Variants in SOS1 observed in about 807,000 individuals in gnomAD.
SOS1 encodes son of sevenless homolog 1.
Under a neutral mutation model 157.6 loss-of-function variants are expected in SOS1, and 25 were observed. The ratio of observed to expected loss-of-function variants is 0.16; its 90% CI spans 0.12 to 0.22. The LOEUF (loss-of-function observed/expected upper bound fraction) is 0.22, where lower values mean the gene tolerates loss of function less well. Among genes scored for constraint, SOS1 ranks in the 10% least tolerant of loss-of-function variants. The probability of loss-of-function intolerance (pLI) is 1.00; values close to 1 mark genes in which losing one functional copy is unlikely to be tolerated. For missense variants in SOS1, 1,237 were observed against 1,599.1 expected, an observed-to-expected ratio of 0.77 and a Z score of 3.86; for synonymous variants, 528 against 534.0, an observed-to-expected ratio of 0.99 and a Z score of 0.16.
intron 1 of SOS1, among the ~76,000 whole-genome samples, chr2:39,077,886 C>T (rs946562293): frequency 5.9e-5 from 9 of 151,996 alleles, no homozygotes; most frequent in Non-Finnish European, 1.2e-4. Flanking sequence ...TCTTTATAAC[C>T]TGAGTTAGGA....
At chr2:39,056,412 G>A (rs552322444) in intron 4 of SOS1, among the ~76,000 whole-genome samples, 4 of 151,794 alleles carry the variant, frequency 2.6e-5, no homozygotes, top group South Asian at 2.1e-4. Context: ...GTGAGATTCC[G>A]TCTCAAAAAA....
At chr2:39,015,589 C>CT (rs1669602570) in intron 10 of SOS1, among the ~76,000 whole-genome samples, 1 of 151,844 alleles carries the variant, frequency 6.6e-6, no homozygotes, top group Admixed American at 6.6e-5. Flanking sequence ...AAACAAGAGG[C>CT]TGAGTGTGAT....
rs186019046 is a variant in SOS1, at chr2:39,004,231, C to T, written c.2791+2181G>A. Among the ~76,000 whole-genome samples, 944 of 151,888 alleles carry T rather than the reference C, an allele frequency of 6.2e-3. 7 individuals carry two copies. Among genetic ancestry groups the T allele is most frequent in the Non-Finnish European group, 0.01 (713 of 67,916 alleles). ...GAGATCAAGACCATCTTGGCTAACA[C>T]GGTGAAACCCTGTCTCTACTAAAAA... On this transcript the variant is annotated intron_variant, in intron 17 of 22. Coordinates refer to ENST00000402219, the MANE Select transcript of SOS1 (RefSeq NM_005633.4).
At chr2:39,006,949 A>G (rs996023008) in intron 16 of SOS1, 82 bp downstream of exon 16, 11 of 925,136 alleles carry the variant, frequency 1.2e-5, no homozygotes, top group African/African-American at 1.7e-5. Context: ...GACATTTAAA[A>G]ATTAAAGATA....
intron 1 of SOS1, among the ~76,000 whole-genome samples, chr2:39,106,750 G>A (rs372106513): frequency 2.0e-4 from 31 of 152,202 alleles, no homozygotes; most frequent in East Asian, 5.8e-4. Context: ...ACTGGTTTGC[G>A]CCTTTCTGCC....
At chr2:39,117,287 C>T (rs1191115580) in intron 1 of SOS1, among the ~76,000 whole-genome samples, 1 of 152,166 alleles carries the variant, frequency 6.6e-6, no homozygotes, top group Admixed American at 6.5e-5. Context: ...CTTGCTCTCC[C>T]AAAGTGCTGG....
intron 20 of SOS1, among the ~76,000 whole-genome samples, chr2:38,990,688 C>T (rs1668705155): frequency 6.6e-6 from 1 of 152,124 alleles, no homozygotes; most frequent in African/African-American, 2.4e-5. Context: ...AAGCTCATGA[C>T]TGTTACAACT....
chr2:39,103,879 G>C (rs938967749), intron 1 of SOS1, among the ~76,000 whole-genome samples: 3 of 152,198 alleles, frequency 2.0e-5, no homozygotes, highest in Non-Finnish European at 4.4e-5. Flanking sequence ...GGGTTTAAAT[G>C]AGAGAAAATA....
intron 1 of SOS1, among the ~76,000 whole-genome samples, chr2:39,073,138 C>CA (rs1671844843): frequency 6.6e-6 from 1 of 152,188 alleles, no homozygotes; most frequent in African/African-American, 2.4e-5. Flanking sequence ...TTTAATAGAT[C>CA]AAATGATCCA....
At chr2:39,099,765 A>T (rs1001604861) in intron 1 of SOS1, among the ~76,000 whole-genome samples, 1 of 152,142 alleles carries the variant, frequency 6.6e-6, no homozygotes, top group African/African-American at 2.4e-5. Flanking sequence ...TTGGAGACAG[A>T]GTCTCACTCT....
At chr2:39,109,276 C>A (rs1032062356) in intron 1 of SOS1, among the ~76,000 whole-genome samples, 1 of 152,070 alleles carries the variant, frequency 6.6e-6, no homozygotes, top group African/African-American at 2.4e-5. Flanking sequence ...CATACAAGGA[C>A]AGTCTCCTAG....
chr2:39,070,865 T>C (rs1477343065), intron 1 of SOS1, among the ~76,000 whole-genome samples: 9 of 152,092 alleles, frequency 5.9e-5, no homozygotes, highest in Non-Finnish European at 1.0e-4. Context: ...CCTCTATTTA[T>C]TGTATTTGTT....
chr2:38,989,690 T>G (rs867998450), intron 20 of SOS1, among the ~76,000 whole-genome samples: 1 of 152,110 alleles, frequency 6.6e-6, no homozygotes, highest in Non-Finnish European at 1.5e-5. Flanking sequence ...AAACAAGTAA[T>G]AAGTTTATTT....
Position 38,986,228 on chromosome 2 carries a change from C to T in SOS1, c.3598G>A (p.Asp1200Asn), listed in dbSNP as rs756728233. 7.4e-6 allele frequency: 12 copies of T among 1,613,662 alleles called. No individual in the cohort carries two copies. The Admixed American group carries it at 1.7e-4, about 22-fold the overall frequency. Reference sequence around the variant, plus strand: ...GGAGGGTCTGAGATAGAGGTCCGGTCTGATATTGAATATCGTGGTGAATAG... The same window carrying T: ...GGAGGGTCTGAGATAGAGGTCCGGTTTGATATTGAATATCGTGGTGAATAG... The part of the protein sequence containing the change: ...KAYSPRYSIS[D>N]RTSISDPPES... The change falls in exon 23 of 23, where the codon GAC becomes AAC. Residue 1200 changes from aspartate (D) to asparagine (N), a missense_variant. Physicochemically the swap from Asp to Asn is conservative, Grantham distance 23. Transcript: ENST00000402219.
intron 1 of SOS1, among the ~76,000 whole-genome samples, chr2:39,068,048 G>A (rs1436561141): frequency 6.6e-6 from 1 of 152,196 alleles, no homozygotes; most frequent in East Asian, 1.9e-4. Flanking sequence ...GAACCCAGGA[G>A]GCAGAGGCTG....
intron 5 of SOS1, among the ~76,000 whole-genome samples, chr2:39,053,164 AAGAG>A (rs989371446): frequency 1.3e-5 from 2 of 152,292 alleles, no homozygotes; most frequent in East Asian, 1.9e-4. Flanking sequence ...AGAAAAAAAA[AAGAG>A]AGAGAACCAC....
At chr2:39,055,342 A>G (rs541390213) in intron 4 of SOS1, among the ~76,000 whole-genome samples, 2 of 152,310 alleles carry the variant, frequency 1.3e-5, no homozygotes, top group East Asian at 1.9e-4. Context: ...TCATATCTCT[A>G]TAACACAATA....
At chr2:39,013,167 C>T (rs575525070) in intron 13 of SOS1, among the ~76,000 whole-genome samples, 2 of 152,204 alleles carry the variant, frequency 1.3e-5, no homozygotes, top group East Asian at 1.9e-4. Flanking sequence ...AATGGCACAA[C>T]GTAATTCCCA....
chr2:39,023,720 T>C (rs1171065377), intron 9 of SOS1: 1 of 343,434 alleles, frequency 2.9e-6, no homozygotes, highest in East Asian at 6.6e-5. Context: ...TTTGACAGAA[T>C]AACGATGCCA....
Sources: allele counts gnomAD v4.1 joint callset (sites outside exome capture counted in the v4.1 genomes callset), GRCh38; gene constraint gnomAD v4.1.1; transcripts MANE v1.5; gene names NCBI Gene and HGNC (gene_info 2026-07-23, HGNC 2026-07-21).